Variants in MAGT1 observed in about 807,000 individuals in gnomAD.
MAGT1 encodes dolichyl-diphosphooligosaccharide--protein glycosyltransferase subunit MAGT1.
A neutral mutation model predicts 28.4 loss-of-function variants in MAGT1; 4 were observed. The observed-to-expected ratio is 0.14, with a 90% confidence interval of 0.07 to 0.32. MAGT1 has a LOEUF of 0.32. Among genes scored for constraint, MAGT1 ranks in the 10% least tolerant of loss-of-function variants. The pLI is 1.00. For synonymous variants in MAGT1, 89 were observed against 89.7 expected (o/e 0.99, Z 0.04); for missense variants, 193 against 264.5 (o/e 0.73, Z 1.88).
intron 1 of MAGT1, among the ~76,000 whole-genome samples, chrX:77,879,896 T>C (rs1212842367): frequency 2.0e-5 from 2 of 98,166 alleles, no homozygotes; most frequent in Non-Finnish European, 4.0e-5. Context: ...TGAAGTGCGA[T>C]GGCATGATCT....
At chrX:77,862,303 A>T (rs2076996665) in intron 3 of MAGT1, among the ~76,000 whole-genome samples, 1 of 111,211 alleles carries the variant, frequency 9.0e-6, no homozygotes. Context: ...AATTAATATT[A>T]AAAACTATTC....
intron 1 of MAGT1, among the ~76,000 whole-genome samples, chrX:77,877,029 A>G (rs1484857419): frequency 8.3e-5 from 9 of 108,484 alleles, no homozygotes; most frequent in Admixed American, 3.0e-4. Context: ...AAAAAAAAAA[A>G]AAAAAAAAGA....
intron 8 of MAGT1, among the ~76,000 whole-genome samples, chrX:77,840,557 A>C (rs2149012227): frequency 8.9e-6 from 1 of 112,145 alleles, no homozygotes; most frequent in East Asian, 2.8e-4. Context: ...ATAGAGTATA[A>C]GTCAGCCAGG....
At chrX:77,847,646 T>A (rs1461256687) in intron 7 of MAGT1, among the ~76,000 whole-genome samples, 1 of 103,984 alleles carries the variant, frequency 9.6e-6, no homozygotes, top group Non-Finnish European at 2.0e-5. Flanking sequence ...AGTTTTGCTC[T>A]GCCACTCAGG....
At chrX:77,879,650 C>G (rs1334209693) in intron 1 of MAGT1, among the ~76,000 whole-genome samples, 2 of 110,794 alleles carry the variant, frequency 1.8e-5, no homozygotes, top group African/African-American at 6.6e-5. Flanking sequence ...CTTTACCATA[C>G]AGTAGGCACT....
intron 8 of MAGT1, among the ~76,000 whole-genome samples, chrX:77,833,179 T>C (rs2076904031): frequency 8.9e-6 from 1 of 112,318 alleles, no homozygotes; most frequent in Non-Finnish European, 1.9e-5. Context: ...AAAATTGAAT[T>C]CATCAAATGA....
chrX:77,887,394 G>C (rs2077070738), intron 1 of MAGT1, among the ~76,000 whole-genome samples: 1 of 111,794 alleles, frequency 8.9e-6, no homozygotes, highest in Non-Finnish European at 1.9e-5. Context: ...CACTATGTGT[G>C]GCCAGGAATT....
intron 1 of MAGT1, among the ~76,000 whole-genome samples, chrX:77,877,477 C>T (rs182467828): frequency 4.7e-5 from 5 of 106,974 alleles, no homozygotes; most frequent in East Asian, 5.8e-4. Context: ...GGTGACACAG[C>T]GAGACACTGT....
intron 8 of MAGT1, among the ~76,000 whole-genome samples, chrX:77,837,024 C>T (rs1031309310): frequency 2.0e-4 from 22 of 112,082 alleles, no homozygotes; most frequent in African/African-American, 5.8e-4. Flanking sequence ...GCTAAAGAAA[C>T]GTCTATTAAT....
At position 77,856,794 on chromosome X, in the gene MAGT1, T is replaced by C. The variant is rs1557216034; in HGVS notation, c.611A>G (p.Tyr204Cys). 4.1e-6 allele frequency: 5 copies of C among 1,207,017 alleles called. No homozygotes were observed. Among genetic ancestry groups the C allele is most frequent in the Non-Finnish European group, 5.6e-6 (5 of 891,337 alleles). The change falls in exon 5 of 10, where the codon TAT becomes TGT. Residue 204 changes from tyrosine (Y) to cysteine (C), a missense_variant. By Grantham distance (194) the Tyr-to-Cys change is radical. Coordinates refer to ENST00000618282, the MANE Select transcript of MAGT1 (RefSeq NM_001367916.1). The part of the protein sequence containing the change: ...LLLAVIGGLV[Y>C]LRRSNMEFLF... ...AAATTCCATATTACTTCTTCGAAGATACACAAGTCCACCAATAACAGCCAA... is the reference window on the plus strand; with the variant it reads ...AAATTCCATATTACTTCTTCGAAGACACACAAGTCCACCAATAACAGCCAA...
chrX:77,830,304 A>G (rs1383024335), intron 9 of MAGT1, among the ~76,000 whole-genome samples: 1 of 112,117 alleles, frequency 8.9e-6, no homozygotes, highest in Non-Finnish European at 1.9e-5. Flanking sequence ...CCTGAGTGAC[A>G]GAGTGAGACC....
At chrX:77,847,601 ATTTC>A (rs1297760223) in intron 7 of MAGT1, among the ~76,000 whole-genome samples, 3 of 98,186 alleles carry the variant, frequency 3.1e-5, no homozygotes, top group Non-Finnish European at 6.1e-5. Context: ...TAATGTGATC[ATTTC>A]TTTCTTTTTT....
At chrX:77,834,216 GTATA>G (rs781969559) in intron 8 of MAGT1, among the ~76,000 whole-genome samples, 3 of 93,846 alleles carry the variant, frequency 3.2e-5, no homozygotes, top group Non-Finnish European at 6.4e-5. Flanking sequence ...ATACATGTGT[GTATA>G]TATATGCATA....
chrX:77,878,744 C>T (rs1321369955), intron 1 of MAGT1, among the ~76,000 whole-genome samples: 10 of 99,431 alleles, frequency 1.0e-4, no homozygotes, highest in Non-Finnish European at 2.0e-4. Context: ...GAGCCGAGAT[C>T]GTGCCACTGC....
intron 1 of MAGT1, among the ~76,000 whole-genome samples, chrX:77,884,206 C>T (rs2077061123): frequency 1.8e-5 from 2 of 111,326 alleles, no homozygotes; most frequent in Non-Finnish European, 3.8e-5. Context: ...AACAAACAAA[C>T]AAAAACTTTT....
At chrX:77,874,298 A>G (rs1361792960) in intron 2 of MAGT1, among the ~76,000 whole-genome samples, 1 of 106,070 alleles carries the variant, frequency 9.4e-6, no homozygotes, top group Non-Finnish European at 1.9e-5. Context: ...TTTTTTTTAA[A>G]AAAAAAAAAA....
chrX:77,860,329 C>T (rs2076991649), intron 3 of MAGT1, among the ~76,000 whole-genome samples: 1 of 110,151 alleles, frequency 9.1e-6, no homozygotes, highest in Non-Finnish European at 1.9e-5. Flanking sequence ...CTCAAGTGAT[C>T]CGCCTGCCTC....
intron 8 of MAGT1, among the ~76,000 whole-genome samples, chrX:77,838,133 A>G (rs2076924721): frequency 8.9e-6 from 1 of 112,072 alleles, no homozygotes; most frequent in Non-Finnish European, 1.9e-5. Context: ...GCAACAGATA[A>G]CAATGTGTGA....
intron 1 of MAGT1, among the ~76,000 whole-genome samples, chrX:77,876,165 T>TATATATATATATATA (rs1491126690): frequency 2.2e-4 from 3 of 13,362 alleles, no homozygotes; most frequent in Admixed American, 1.5e-3. Context: ...TATATATATA[T>TATATATATATATATA]TTTTTTTTTT....
Sources: gnomAD v4.1 joint callset for allele counts (sites outside exome capture counted in the v4.1 genomes callset) on GRCh38, gnomAD v4.1.1 for gene constraint, MANE v1.5 for transcripts, NCBI Gene and HGNC (gene_info 2026-07-23, HGNC 2026-07-21) for gene names.